Variants in FOXJ3 observed in about 807,000 individuals in gnomAD.
FOXJ3 encodes the protein forkhead box protein J3.
A neutral mutation model predicts 76.1 loss-of-function variants in FOXJ3; 22 were observed. The observed-to-expected ratio is 0.29, with a 90% CI of 0.21 to 0.41. FOXJ3 has a LOEUF of 0.41. Among genes scored for constraint, FOXJ3 ranks in the 10% least tolerant of loss-of-function variants. The pLI is 1.00. For synonymous variants in FOXJ3, 269 were observed against 261.2 expected (o/e 1.03, Z -0.29); for missense variants, 613 against 762.1 (o/e 0.80, Z 2.30).
At position 42,235,570 on chromosome 1, in the gene FOXJ3, GT is replaced by G. The variant is rs36002638; in HGVS notation, c.445-7605del. 1.4e-4 allele frequency among the ~76,000 whole-genome samples: 20 copies of G among 145,948 alleles called. No individual in the cohort carries two copies. In the South Asian group the frequency reaches 3.5e-3, roughly 25 times the overall value. Reference sequence around the variant, plus strand: ...CACCCGTTTTTTTTTGTGTTTTTTTGTTTTTTTTTTGAGACAGAATCTCACT... The same window carrying G: ...CACCCGTTTTTTTTTGTGTTTTTTTGTTTTTTTTTGAGACAGAATCTCACT... On this transcript the variant is annotated intron_variant, in intron 4 of 12. Coordinates refer to ENST00000361346, the MANE Select transcript of FOXJ3 (RefSeq NM_014947.5).
At chr1:42,197,014 GGTAA>G (rs757403693) in intron 7 of FOXJ3, among the ~76,000 whole-genome samples, 14 of 151,946 alleles carry the variant, frequency 9.2e-5, no homozygotes, top group African/African-American at 2.7e-4. Flanking sequence ...CTTGATCACG[GGTAA>G]GTAATTTTTT....
chr1:42,251,119 C>T (rs1650005008), intron 4 of FOXJ3, among the ~76,000 whole-genome samples: 1 of 152,016 alleles, frequency 6.6e-6, no homozygotes, highest in Non-Finnish European at 1.5e-5. Flanking sequence ...AAAAACACTA[C>T]ATCAAAGCAT....
intron 5 of FOXJ3, among the ~76,000 whole-genome samples, chr1:42,222,046 GAGAAGAAGAAGAAGAAGA>G (rs1161062102): frequency 2.2e-4 from 2 of 9,024 alleles, no homozygotes; most frequent in African/African-American, 4.3e-4. Context: ...GAAGGAGAAG[GAGAAGAAGAAGAAGAAGA>G]AGAAGAAGAA....
chr1:42,190,154 G>A (rs1294600078), intron 9 of FOXJ3, among the ~76,000 whole-genome samples: 1 of 152,178 alleles, frequency 6.6e-6, no homozygotes, highest in Non-Finnish European at 1.5e-5. Context: ...ATTAGTCAGA[G>A]GCCATGCAGC....
intron 1 of FOXJ3, among the ~76,000 whole-genome samples, chr1:42,330,352 A>T (rs1249393544): frequency 7.2e-5 from 11 of 152,216 alleles, no homozygotes. Context: ...GAAGAAAATC[A>T]GTGGGCTGAC....
At chr1:42,249,834 C>T (rs58005281) in intron 4 of FOXJ3, among the ~76,000 whole-genome samples, 3,185 of 152,098 alleles carry the variant, frequency 0.021, 99 homozygotes, top group African/African-American at 0.073. Context: ...CTCCAAGAAC[C>T]ATGGGAGCAA....
intron 2 of FOXJ3, among the ~76,000 whole-genome samples, chr1:42,286,635 A>C (rs1653072072): frequency 6.6e-6 from 1 of 152,074 alleles, no homozygotes; most frequent in African/African-American, 2.4e-5. Flanking sequence ...GGGTTTCCTA[A>C]ATTTTTTTTC....
At chr1:42,315,635 GAACA>G (rs1655060665) in intron 1 of FOXJ3, among the ~76,000 whole-genome samples, 2 of 152,152 alleles carry the variant, frequency 1.3e-5, no homozygotes, top group Admixed American at 1.3e-4. Context: ...TTGACTGAAA[GAACA>G]AACATATATC....
intron 4 of FOXJ3, among the ~76,000 whole-genome samples, chr1:42,237,737 C>T (rs1455607762): frequency 1.6e-4 from 25 of 151,556 alleles, no homozygotes; most frequent in Non-Finnish European, 1.3e-4. Context: ...TGTTTTCTTC[C>T]GGAAGTTTTA....
chr1:42,217,839 A>G (rs980432315), intron 5 of FOXJ3, among the ~76,000 whole-genome samples: 1 of 152,174 alleles, frequency 6.6e-6, no homozygotes, highest in Non-Finnish European at 1.5e-5. Context: ...CAACTTATAA[A>G]CTTTAAATAC....
intron 1 of FOXJ3, among the ~76,000 whole-genome samples, chr1:42,312,091 G>A (rs1654848665): frequency 6.6e-6 from 1 of 152,166 alleles, no homozygotes; most frequent in Non-Finnish European, 1.5e-5. Flanking sequence ...TCAGTCTGAA[G>A]GGATCAGGGC....
At chr1:42,328,078 G>C (rs1655945631) in intron 1 of FOXJ3, among the ~76,000 whole-genome samples, 1 of 152,170 alleles carries the variant, frequency 6.6e-6, no homozygotes, top group Non-Finnish European at 1.5e-5. Flanking sequence ...GGGAGGAAGA[G>C]GCCAAGAGTT....
intron 6 of FOXJ3, among the ~76,000 whole-genome samples, chr1:42,204,773 A>G (rs1646829496): frequency 6.8e-6 from 1 of 146,362 alleles, no homozygotes; most frequent in South Asian, 2.1e-4. Context: ...AGAGACTGCC[A>G]TGTGGGAAGA....
intron 1 of FOXJ3, among the ~76,000 whole-genome samples, chr1:42,323,527 G>A (rs934715820): frequency 6.6e-6 from 1 of 152,022 alleles, no homozygotes; most frequent in Non-Finnish European, 1.5e-5. Flanking sequence ...TATGCTCTCA[G>A]CCTAGAATGC....
chr1:42,249,713 G>A (rs751725491), intron 4 of FOXJ3, among the ~76,000 whole-genome samples: 5 of 152,170 alleles, frequency 3.3e-5, no homozygotes, highest in Non-Finnish European at 2.9e-5. Context: ...GGGTATGATG[G>A]AGGTATGAAA....
At chr1:42,216,258 C>G (rs1052472775) in intron 5 of FOXJ3, among the ~76,000 whole-genome samples, 1 of 152,024 alleles carries the variant, frequency 6.6e-6, no homozygotes, top group African/African-American at 2.4e-5. Context: ...GTGGCTCACG[C>G]CTGTAATCCC....
At chr1:42,248,395 G>A (rs1462974854) in intron 4 of FOXJ3, among the ~76,000 whole-genome samples, 6 of 151,980 alleles carry the variant, frequency 3.9e-5, no homozygotes, top group South Asian at 2.1e-4. Flanking sequence ...TTAGCCGGGC[G>A]TGGTGGCGGG....
At chr1:42,208,450 C>T (rs1646901425) in intron 5 of FOXJ3, among the ~76,000 whole-genome samples, 1 of 152,140 alleles carries the variant, frequency 6.6e-6, no homozygotes, top group African/African-American at 2.4e-5. Context: ...GAAGGATCAT[C>T]CCAAAGATAC....
At chr1:42,252,969 G>T (rs1237146574) in intron 4 of FOXJ3, among the ~76,000 whole-genome samples, 9 of 151,042 alleles carry the variant, frequency 6.0e-5, no homozygotes, top group African/African-American at 1.5e-4. Context: ...CCAGGGCAAT[G>T]AGGCAGGAGA....
Sources: allele counts gnomAD v4.1 joint callset (sites outside exome capture counted in the v4.1 genomes callset), GRCh38; gene constraint gnomAD v4.1.1; transcripts MANE v1.5; gene names NCBI Gene and HGNC (gene_info 2026-07-23, HGNC 2026-07-21).